TYR: variants seen among roughly 807,000 people sequenced by gnomAD.
The protein encoded by TYR is LB24-AB.
Under a neutral mutation model 51.5 loss-of-function variants are expected in TYR, and 58 were observed. The observed-to-expected ratio is 1.13, with a 90% confidence interval of 0.91 to 1.40. The LOEUF is 1.40. Ranked by LOEUF, TYR falls within the 40% of genes most tolerant of loss-of-function variation. The pLI, the probability that TYR is intolerant of heterozygous loss-of-function variation, is 0.00. For missense variants in TYR, 732 were observed against 647.4 expected, an observed-to-expected ratio of 1.13 and a Z score of -1.42; for synonymous variants, 263 against 235.2, an observed-to-expected ratio of 1.12 and a Z score of -1.08.
chr11:89,239,515 G>C (rs61238271), intron 3 of TYR, among the ~76,000 whole-genome samples: 3,742 of 151,622 alleles, frequency 0.025, 169 homozygotes, highest in African/African-American at 0.087. Flanking sequence ...CCAACTCTTA[G>C]CTTCATTTAT....
chr11:89,274,111 G>C (rs777865278), intron 3 of TYR, among the ~76,000 whole-genome samples: 1 of 151,872 alleles, frequency 6.6e-6, no homozygotes, highest in African/African-American at 2.4e-5. Flanking sequence ...GAAGAGTGGA[G>C]CACATGAAGT....
chr11:89,211,588 TG>T (rs1485618576), intron 2 of TYR, among the ~76,000 whole-genome samples: 7 of 152,228 alleles, frequency 4.6e-5, no homozygotes, highest in Non-Finnish European at 8.8e-5. Flanking sequence ...AACTCGGCTC[TG>T]GACCAAATGG....
chr11:89,223,956 T>C (rs1233603273), intron 2 of TYR, among the ~76,000 whole-genome samples: 1 of 150,436 alleles, frequency 6.6e-6, no homozygotes, highest in Non-Finnish European at 1.5e-5. Context: ...AGATGCAACA[T>C]CTGTCAGGTC....
At chr11:89,188,407 T>C (rs1462794476) in intron 1 of TYR, among the ~76,000 whole-genome samples, 2 of 152,066 alleles carry the variant, frequency 1.3e-5, no homozygotes, top group African/African-American at 4.8e-5. Flanking sequence ...GAGAGTTCTT[T>C]TGATTACATA....
chr11:89,266,368 T>C (rs1944525992), intron 3 of TYR, among the ~76,000 whole-genome samples: 1 of 151,984 alleles, frequency 6.6e-6, no homozygotes, highest in Non-Finnish European at 1.5e-5. Context: ...GAATTTTGCT[T>C]CTTTTAGATG....
In TYR at chr11:89,207,355, C is replaced by T. The variant is rs564873151; in HGVS notation, c.1036+15937C>T. Among the ~76,000 whole-genome samples the T allele has an allele frequency of 2.0e-5, 3 of 152,190 alleles. No homozygotes were observed. In the South Asian group the frequency reaches 6.2e-4, roughly 32 times the overall value. On this transcript the variant is annotated intron_variant, in intron 2 of 4. Transcript: ENST00000263321. ...TACTATGAGCACTCTATGTACATAACATTTGACAACTTAGATGAAATGAAC... is the reference window on the plus strand; with the variant it reads ...TACTATGAGCACTCTATGTACATAATATTTGACAACTTAGATGAAATGAAC...
chr11:89,240,630 G>C (rs1198616114), intron 3 of TYR, among the ~76,000 whole-genome samples: 1 of 151,958 alleles, frequency 6.6e-6, no homozygotes, highest in Non-Finnish European at 1.5e-5. Context: ...ATGGCTTTAA[G>C]GTCATGAACA....
At chr11:89,262,246 A>T (rs927409901) in intron 3 of TYR, among the ~76,000 whole-genome samples, 5 of 152,162 alleles carry the variant, frequency 3.3e-5, no homozygotes, top group Non-Finnish European at 4.4e-5. Flanking sequence ...TTTAGTAGAG[A>T]CAGGGTTTCA....
intron 3 of TYR, among the ~76,000 whole-genome samples, chr11:89,264,279 G>A (rs193199883): frequency 2.0e-5 from 3 of 152,060 alleles, no homozygotes; most frequent in East Asian, 1.9e-4. Flanking sequence ...TGTGATTGGG[G>A]TAAAGTCTCC....
At chr11:89,182,209 A>G (rs1261010741) in intron 1 of TYR, among the ~76,000 whole-genome samples, 4 of 152,214 alleles carry the variant, frequency 2.6e-5, no homozygotes, top group Admixed American at 2.6e-4. Context: ...TTGTATCCAC[A>G]GAGCACAGGA....
At chr11:89,202,583 A>T (rs1210185254) in intron 2 of TYR, among the ~76,000 whole-genome samples, 1 of 149,914 alleles carries the variant, frequency 6.7e-6, no homozygotes, top group Admixed American at 6.7e-5. Flanking sequence ...GTTGATGTTG[A>T]TAATGTTTCA....
chr11:89,266,679 C>A (rs1944529854), intron 3 of TYR, among the ~76,000 whole-genome samples: 1 of 151,888 alleles, frequency 6.6e-6, no homozygotes, highest in African/African-American at 2.4e-5. Context: ...GGGCTGATAC[C>A]CATAGATTTT....
In TYR at chr11:89,194,650, T is replaced by TTCTATCTATCTATCTA. The variant is rs34029150; in HGVS notation, c.1036+3251_1036+3266dup. Among the ~76,000 whole-genome samples, 884 of 150,590 alleles carry TTCTATCTATCTATCTA rather than the reference T, an allele frequency of 5.9e-3. 6 individuals carry two copies. The highest frequency in any genetic ancestry group is 0.013 in the African/African-American group (515 of 40,786). ...ACTATTAGCAAAAATCCTCCATTTT[T>TTCTATCTATCTATCTA]TCTATCTATCTATCTATCTATCTAT... is the stretch of plus-strand genomic sequence containing the variant. On this transcript the variant is annotated intron_variant, in intron 2 of 4. Coordinates refer to ENST00000263321, the MANE Select transcript of TYR (RefSeq NM_000372.5).
intron 1 of TYR, among the ~76,000 whole-genome samples, chr11:89,189,323 A>G (rs1943413164): frequency 6.6e-6 from 1 of 152,042 alleles, no homozygotes; most frequent in South Asian, 2.1e-4. Flanking sequence ...TTGCTTATAG[A>G]AAGGTGAGAA....
At chr11:89,213,481 A>G (rs1487338600) in intron 2 of TYR, among the ~76,000 whole-genome samples, 1 of 152,224 alleles carries the variant, frequency 6.6e-6, no homozygotes, top group Non-Finnish European at 1.5e-5. Context: ...ATGGATAGGA[A>G]GAATCAATAT....
rs746685788 is a variant in TYR at position 89,178,631 on chromosome 11, A to G, written c.678A>G (p.Thr226=). 4 of 1,612,570 alleles carry G rather than the reference A, an allele frequency of 2.5e-6. No individual in the cohort carries two copies. The South Asian group carries it at 3.3e-5, about 13-fold the overall frequency. Residue 226 remains threonine (T), a synonymous_variant, in exon 1 of 5, where the codon ACA becomes ACG. Coordinates refer to ENST00000263321, the MANE Select transcript of TYR (RefSeq NM_000372.5). ...LRWEQEIQKL[T]GDENFTIPYW... ...GGGAACAAGAAATCCAGAAGCTGAC[A>G]GGAGATGAAAACTTCACTATTCCAT...
intron 2 of TYR, among the ~76,000 whole-genome samples, chr11:89,203,752 A>G (rs576561966): frequency 1.3e-5 from 2 of 152,348 alleles, no homozygotes; most frequent in South Asian, 2.1e-4. Context: ...GGTACAAACA[A>G]AAGTAAAACA....
At chr11:89,286,937 T>C (rs1944794759) in intron 4 of TYR, among the ~76,000 whole-genome samples, 1 of 151,908 alleles carries the variant, frequency 6.6e-6, no homozygotes, top group African/African-American at 2.4e-5. Flanking sequence ...TTAGTGTCTG[T>C]TTCCATTTCC....
chr11:89,228,900 A>T (rs750064817), intron 3 of TYR, among the ~76,000 whole-genome samples: 29 of 151,884 alleles, frequency 1.9e-4, no homozygotes, highest in Non-Finnish European at 3.8e-4. Flanking sequence ...AAAATAAAGC[A>T]TCAAATCATG....
Sources: gnomAD v4.1 joint callset for allele counts (sites outside exome capture counted in the v4.1 genomes callset) on GRCh38, gnomAD v4.1.1 for gene constraint, MANE v1.5 for transcripts, NCBI Gene and HGNC (gene_info 2026-07-23, HGNC 2026-07-21) for gene names.